Variants in MARCHF7 observed in about 807,000 individuals in gnomAD.
MARCHF7 encodes the protein membrane associated ring-CH-type finger 7, also known as E3 ubiquitin-protein ligase MARCHF7.
A neutral mutation model predicts 76.5 loss-of-function variants in MARCHF7; 20 were observed. That is an observed-to-expected ratio of 0.26 (90% confidence interval 0.18 to 0.38). The LOEUF (loss-of-function observed/expected upper bound fraction) is 0.38. Among genes scored for constraint, MARCHF7 ranks in the 10% least tolerant of loss-of-function variants. The pLI, the probability that MARCHF7 is intolerant of heterozygous loss-of-function variation, is 1.00. For missense variants in MARCHF7, 797 were observed against 812.9 expected (o/e 0.98, Z 0.24); for synonymous variants, 295 against 293.0 (o/e 1.01, Z -0.07).
At chr2:159,754,438 A>G (rs1270422224) in intron 8 of MARCHF7, among the ~76,000 whole-genome samples, 2 of 152,158 alleles carry the variant, frequency 1.3e-5, no homozygotes, top group East Asian at 3.8e-4. Flanking sequence ...GTGGGTTCCT[A>G]AGCCTGATTA....
Position 159,754,656 on chromosome 2 carries a change from C to T in MARCHF7, c.1783+2085C>T, listed in dbSNP as rs116142676. ...GAGACTTCTAACAGAAAAAAAAGTA[C>T]GAAAAGAGGAGAAAGAAGATGGGGT... On this transcript the variant is annotated intron_variant, in intron 8 of 11. Coordinates refer to ENST00000409175, the MANE Select transcript of MARCHF7 (RefSeq NM_001282805.2). Among the ~76,000 whole-genome samples the T allele has an allele frequency of 7.0e-3, 1,067 of 151,888 alleles. 7 individuals carry two copies. Among genetic ancestry groups the T allele is most frequent in the Non-Finnish European group, 0.011 (761 of 67,930 alleles).
intron 8 of MARCHF7, 32 bp from the exon 9 acceptor site, chr2:159,759,194 C>A: frequency 8.1e-7 from 1 of 1,232,288 alleles, no homozygotes; most frequent in Non-Finnish European, 1.2e-6. Flanking sequence ...CATTATAAAA[C>A]TAAGCTTTAT....
chr2:159,763,611 A>G (rs1707365656), intron 10 of MARCHF7, among the ~76,000 whole-genome samples: 1 of 152,210 alleles, frequency 6.6e-6, no homozygotes, highest in Non-Finnish European at 1.5e-5. Flanking sequence ...AGCAAGGGCT[A>G]GGGTCTCTAT....
chr2:159,760,316 C>T (rs1250708604), intron 9 of MARCHF7, among the ~76,000 whole-genome samples: 3 of 152,234 alleles, frequency 2.0e-5, no homozygotes, highest in Non-Finnish European at 4.4e-5. Context: ...GACACAAATT[C>T]TGTCTCTAAG....
At chr2:159,754,181 A>G (rs1226732014) in intron 8 of MARCHF7, among the ~76,000 whole-genome samples, 1 of 152,224 alleles carries the variant, frequency 6.6e-6, no homozygotes, top group African/African-American at 2.4e-5. Context: ...GGAAGAGCAG[A>G]TATCAAAGAA....
chr2:159,748,897 A>G lies in MARCHF7; in HGVS notation c.1607A>G (p.Lys536Arg). 3 of 1,597,270 alleles carry G rather than the reference A, an allele frequency of 1.9e-6. No homozygotes were observed. Among genetic ancestry groups the G allele is most frequent in the Non-Finnish European group, 2.6e-6 (3 of 1,173,002 alleles). Reference protein sequence around the residue: ...SRDPERLQKIKESLLLEDSEE... With the variant: ...SRDPERLQKIRESLLLEDSEE... The stretch of plus-strand genomic sequence containing the variant: ...GATCCAGAAAGATTGCAGAAAATAA[A>G]AGAGAGGTAAATTCGAATACCTGTC... Residue 536 changes from lysine (K) to arginine (R), a missense_variant, in exon 7 of 12, where the codon AAA (lysine) becomes AGA (arginine). This residue lies in a region of MARCHF7 where 643 missense variants were observed against 631.5 expected (regional missense o/e 1.02). Coordinates refer to ENST00000409175, the MANE Select transcript of MARCHF7 (RefSeq NM_001282805.2).
rs1326405080 is a variant in MARCHF7, at chr2:159,743,125, C to T, written c.218C>T (p.Thr73Ile). 1.9e-6 allele frequency: 3 copies of T among 1,614,182 alleles called. No homozygotes were observed. Among genetic ancestry groups the T allele is most frequent in the Non-Finnish European group, 2.5e-6 (3 of 1,180,020 alleles). ...QSAWYSESEI[T>I]QGARSRSQNQ... ...GCATGGTATAGTGAATCTGAGATAA[C>T]TCAGGGAGCACGCTCAAGATCGCAG... The change falls in exon 5 of 12, where the codon ACT becomes ATT. Residue 73 changes from threonine (T) to isoleucine (I), a missense_variant. Thr to Ile is a moderately conservative substitution (Grantham distance 89). Around this residue, in one of 3 missense-constraint regions of MARCHF7, gnomAD observed 643 missense variants for 631.5 expected, o/e 1.02. Coordinates refer to ENST00000409175, the MANE Select transcript of MARCHF7 (RefSeq NM_001282805.2).
chr2:159,734,071 T>A lies in MARCHF7; in HGVS notation c.153+4896T>A, dbSNP rs559227777. 4.9e-5 allele frequency: 67 copies of A among 1,363,464 alleles called. 1 individual carries two copies. The East Asian group carries it at 1.5e-3, about 30-fold the overall frequency. 84.5% of individuals were successfully genotyped at this position (1,363,464 alleles called of 1,614,324 possible). The stretch of plus-strand genomic sequence containing the variant: ...GATTGGCAACTATGATCATCTTATG[T>A]CTTTAGTAACAGTAAGCAAAATTTA... On this transcript the variant is annotated intron_variant, in intron 4 of 11. Transcript: ENST00000409175.
rs951335214 is a variant in MARCHF7 at position 159,769,842 on chromosome 2, A to G, written c.*2500A>G. ...GATTTAAGAGCAGCACTGCCCAATA[A>G]AACTTCCTATAATGAAAATGTTCTA... On this transcript the variant is annotated 3_prime_UTR_variant, in exon 12 of 12. Transcript: ENST00000409175. 2.6e-5 allele frequency: 4 copies of G among 152,220 alleles called. No individual in the cohort carries two copies. The highest frequency in any genetic ancestry group is 6.5e-5 in the Admixed American group (1 of 15,284). 9.4% of individuals were successfully genotyped at this position (152,220 alleles called of 1,614,324 possible).
At chr2:159,712,955 G>C (rs1700402456) in intron 1 of MARCHF7, among the ~76,000 whole-genome samples, 1 of 152,144 alleles carries the variant, frequency 6.6e-6, no homozygotes, top group Admixed American at 6.5e-5. Flanking sequence ...CCCTCCTTTG[G>C]CGCGGGGCGG....
intron 8 of MARCHF7, among the ~76,000 whole-genome samples, chr2:159,756,919 A>G (rs1706401848): frequency 2.0e-5 from 3 of 152,032 alleles, no homozygotes; most frequent in African/African-American, 7.2e-5. Flanking sequence ...TTTGAGACGG[A>G]GTCTTGTTCT....
chr2:159,715,519 A>G (rs1700937808), intron 2 of MARCHF7, among the ~76,000 whole-genome samples, 162 bp from the exon 3 acceptor site: 1 of 151,872 alleles, frequency 6.6e-6, no homozygotes, highest in Admixed American at 6.6e-5. Flanking sequence ...ACTAATTTTT[A>G]TATTTTTTTA....
At chr2:159,731,589 T>C (rs1344772426) in intron 4 of MARCHF7, among the ~76,000 whole-genome samples, 1 of 150,506 alleles carries the variant, frequency 6.6e-6, no homozygotes, top group Admixed American at 6.7e-5. Context: ...ACCCCGTCTC[T>C]ACTAAAAAGA....
intron 3 of MARCHF7, among the ~76,000 whole-genome samples, chr2:159,726,118 T>A (rs1385715327): frequency 6.6e-6 from 1 of 152,012 alleles, no homozygotes; most frequent in African/African-American, 2.4e-5. Context: ...GACACAAGAG[T>A]GTTACCTAGG....
intron 4 of MARCHF7, among the ~76,000 whole-genome samples, chr2:159,734,552 G>A (rs1023274241): frequency 2.6e-5 from 4 of 151,926 alleles, no homozygotes; most frequent in African/African-American, 7.3e-5. Flanking sequence ...ATGGAGAGTG[G>A]GTCAGAATTG....
In MARCHF7 at chr2:159,768,239, C is replaced by CT. The variant is rs35705794; in HGVS notation, c.*902dup. On this transcript the variant is annotated 3_prime_UTR_variant, in exon 12 of 12. Transcript: ENST00000409175. ...TAAATAACCTGTTTGGATCCTGGTC[C>CT]TTTTTAACTGTTCCTTGGTAATTCT... 9,886 of 152,460 alleles carry CT rather than the reference C, an allele frequency of 0.065. 405 individuals carry two copies. Among genetic ancestry groups the CT allele is most frequent in the Non-Finnish European group, 0.093 (6,337 of 67,900 alleles). 9.4% of individuals were successfully genotyped at this position (152,460 alleles called of 1,614,324 possible).
chr2:159,742,820 C>G (rs1381632726), intron 4 of MARCHF7, among the ~76,000 whole-genome samples: 1 of 152,042 alleles, frequency 6.6e-6, no homozygotes, highest in African/African-American at 2.4e-5. Flanking sequence ...ACCTGTAATG[C>G]CAGCTACTCA....
At chr2:159,761,402 ATTTCT>A (rs1707059261) in intron 9 of MARCHF7, among the ~76,000 whole-genome samples, 1 of 68,448 alleles carries the variant, frequency 1.5e-5, no homozygotes, top group East Asian at 3.6e-4. Flanking sequence ...TAAGTGAATC[ATTTCT>A]TTTTTTTTTT....
chr2:159,750,669 C>G (rs181545254), intron 7 of MARCHF7, among the ~76,000 whole-genome samples: 92 of 152,240 alleles, frequency 6.0e-4, no homozygotes, highest in Admixed American at 1.4e-3. Flanking sequence ...TAGTCCCAGC[C>G]TGACTCTTAA....
Sources: allele counts gnomAD v4.1 joint callset (sites outside exome capture counted in the v4.1 genomes callset), GRCh38; gene constraint gnomAD v4.1.1; regional missense constraint gnomAD v4.1.1; transcripts MANE v1.5; gene names NCBI Gene and HGNC (gene_info 2026-07-23, HGNC 2026-07-21).